Variants in PIGK observed in about 807,000 individuals in gnomAD.
The protein encoded by PIGK is GPI-anchor transamidase.
PIGK carries 42 observed loss-of-function variants against 50.6 expected under a neutral mutation model. That is an observed-to-expected ratio of 0.83 (90% CI 0.65 to 1.07). The LOEUF is 1.07. Ranked by LOEUF, PIGK falls within the 50% of genes least tolerant of loss-of-function variation. The pLI is 0.00. For missense variants in PIGK, 448 were observed against 488.7 expected, an observed-to-expected ratio of 0.92 and a Z score of 0.78; for synonymous variants, 151 against 156.0, an observed-to-expected ratio of 0.97 and a Z score of 0.24.
At chr1:77,114,244 TTATAAGA>T (rs1217343845) in intron 10 of PIGK, among the ~76,000 whole-genome samples, 1 of 152,150 alleles carries the variant, frequency 6.6e-6, no homozygotes, top group Non-Finnish European at 1.5e-5. Flanking sequence ...GCTATCCCAC[TTATAAGA>T]TAGAAGATCT....
intron 10 of PIGK, among the ~76,000 whole-genome samples, chr1:77,098,729 C>T (rs1170987600): frequency 2.6e-5 from 4 of 151,812 alleles, no homozygotes; most frequent in African/African-American, 7.3e-5. Context: ...GAATTTATGA[C>T]AGAAAAGGGG....
chr1:77,193,285 T>TGTGTGTGTGTG, intron 3 of PIGK, among the ~76,000 whole-genome samples: 1 of 105,180 alleles, frequency 9.5e-6, no homozygotes, highest in African/African-American at 5.8e-5. Context: ...GTGTGTGTGT[T>TGTGTGTGTGTG]TCTCCTAAGC....
At chr1:77,158,024 T>C (rs1655049886) in intron 8 of PIGK, among the ~76,000 whole-genome samples, 1 of 152,154 alleles carries the variant, frequency 6.6e-6, no homozygotes, top group Admixed American at 6.5e-5. Context: ...GTTTGTTTGT[T>C]TGTTTGTATT....
At chr1:77,141,535 G>A (rs187622303) in intron 9 of PIGK, among the ~76,000 whole-genome samples, 3 of 152,158 alleles carry the variant, frequency 2.0e-5, no homozygotes, top group Admixed American at 6.5e-5. Flanking sequence ...ACCAAGCCTG[G>A]AATATCTTTG....
At chr1:77,143,450 G>A (rs1654701819) in intron 9 of PIGK, among the ~76,000 whole-genome samples, 1 of 151,764 alleles carries the variant, frequency 6.6e-6, no homozygotes, top group Admixed American at 6.6e-5. Flanking sequence ...CCAACATAAA[G>A]GATATCATAA....
intron 10 of PIGK, among the ~76,000 whole-genome samples, chr1:77,102,177 G>C (rs187867723): frequency 1.3e-5 from 2 of 152,280 alleles, no homozygotes; most frequent in Admixed American, 1.3e-4. Flanking sequence ...TTACTTCATT[G>C]TGCGATTAAT....
intron 10 of PIGK, among the ~76,000 whole-genome samples, chr1:77,103,988 T>G (rs1653610093): frequency 6.6e-6 from 1 of 151,224 alleles, no homozygotes; most frequent in Non-Finnish European, 1.5e-5. Context: ...AGGTCACAGC[T>G]TATAGTGAGG....
intron 9 of PIGK, among the ~76,000 whole-genome samples, chr1:77,125,011 TAAA>T (rs938681937): frequency 6.6e-6 from 1 of 152,056 alleles, no homozygotes; most frequent in Non-Finnish European, 1.5e-5. Flanking sequence ...TCTGAAAAAA[TAAA>T]AATTAAATCA....
In PIGK at chr1:77,160,544, G is replaced by A. The variant is rs374809351; in HGVS notation, c.813+751C>T. On this transcript the variant is annotated intron_variant, in intron 8 of 10. Transcript: ENST00000370812. ...GCATCTGCCTCTTTCATTAGGAACA[G>A]CCTGTGCTTGGCACTTAGCAAACAC... Among the ~76,000 whole-genome samples, 84 of 152,330 alleles carry A rather than the reference G, an allele frequency of 5.5e-4. 1 individual carries two copies. In the South Asian group the frequency reaches 0.016, roughly 28 times the overall value.
chr1:77,116,191 C>CT lies in PIGK; in HGVS notation c.1071+6083dup, dbSNP rs1318529706. Among the ~76,000 whole-genome samples the CT allele has an allele frequency of 4.6e-3, 679 of 148,866 alleles. 5 individuals carry two copies. Among genetic ancestry groups the CT allele is most frequent in the African/African-American group, 0.015 (625 of 40,724 alleles). ...AATTGAATCTCTCACACATCTTTCT[C>CT]TTTTTTTTTTGAGACAGAGTCTCGC... On this transcript the variant is annotated intron_variant, in intron 10 of 10. Coordinates refer to ENST00000370812, the MANE Select transcript of PIGK (RefSeq NM_005482.3).
At chr1:77,174,513 T>C (rs1655438189) in intron 3 of PIGK, among the ~76,000 whole-genome samples, 1 of 152,220 alleles carries the variant, frequency 6.6e-6, no homozygotes, top group African/African-American at 2.4e-5. Flanking sequence ...TGACTTTGCA[T>C]CACAAGACAG....
At chr1:77,118,965 A>G (rs1654037576) in intron 10 of PIGK, among the ~76,000 whole-genome samples, 1 of 152,190 alleles carries the variant, frequency 6.6e-6, no homozygotes, top group Non-Finnish European at 1.5e-5. Flanking sequence ...ACGCATATAA[A>G]TATTTCTTAT....
chr1:77,169,078 T>C (rs1387051684), intron 4 of PIGK, among the ~76,000 whole-genome samples, 182 bp downstream of exon 4: 2 of 152,134 alleles, frequency 1.3e-5, no homozygotes, highest in Non-Finnish European at 2.9e-5. Context: ...ACATAAAATG[T>C]TCATGTTTTA....
intron 3 of PIGK, among the ~76,000 whole-genome samples, chr1:77,189,989 C>T (rs1377648022): frequency 6.6e-6 from 1 of 151,888 alleles, no homozygotes; most frequent in Non-Finnish European, 1.5e-5. Flanking sequence ...CCAGGTCACA[C>T]AGCTAGCAAG....
rs544236847 is a variant in PIGK at position 77,211,403 on chromosome 1, G to C, written c.94-914C>G. ...TATTACATAAAGGTTGTACTATAAA[G>C]TTGTAACTTTCAAAATCTCCTTTTA... On this transcript the variant is annotated intron_variant, in intron 1 of 10. Transcript: ENST00000370812. 1.1e-4 allele frequency among the ~76,000 whole-genome samples: 17 copies of C among 151,928 alleles called. No homozygotes were observed. In the South Asian group the frequency reaches 3.5e-3, roughly 32 times the overall value.
intron 10 of PIGK, among the ~76,000 whole-genome samples, chr1:77,110,598 C>G (rs1328812723): frequency 6.6e-6 from 1 of 152,094 alleles, no homozygotes; most frequent in African/African-American, 2.4e-5. Context: ...ACACCTTATA[C>G]AAAAATTAAT....
chr1:77,165,347 T>C (rs1361211897), intron 5 of PIGK, among the ~76,000 whole-genome samples: 1 of 152,142 alleles, frequency 6.6e-6, no homozygotes, highest in Non-Finnish European at 1.5e-5. Flanking sequence ...AATAAAATTT[T>C]TCCTGGCTTC....
chr1:77,160,984 G>A (rs535840782), intron 8 of PIGK, among the ~76,000 whole-genome samples: 4 of 152,188 alleles, frequency 2.6e-5, no homozygotes, highest in South Asian at 2.1e-4. Flanking sequence ...GGAAGAATTC[G>A]GGGAGACTTC....
chr1:77,159,705 A>AT (rs1304458484), intron 8 of PIGK, among the ~76,000 whole-genome samples: 1 of 152,114 alleles, frequency 6.6e-6, no homozygotes, highest in Non-Finnish European at 1.5e-5. Flanking sequence ...GGATTTCTAC[A>AT]TGGGGCCTGT....
Sources: gnomAD v4.1 joint callset for allele counts (sites outside exome capture counted in the v4.1 genomes callset) on GRCh38, gnomAD v4.1.1 for gene constraint, MANE v1.5 for transcripts, NCBI Gene and HGNC (gene_info 2026-07-23, HGNC 2026-07-21) for gene names.